CDH11: variants seen among roughly 807,000 people sequenced by gnomAD.
CDH11 encodes cadherin-11.
A neutral mutation model predicts 67.8 loss-of-function variants in CDH11; 11 were observed. The observed-to-expected ratio is 0.16, with a 90% CI of 0.10 to 0.27. The LOEUF (loss-of-function observed/expected upper bound fraction) is 0.27, where lower values mean the gene tolerates loss of function less well. Ranked by LOEUF, CDH11 falls within the 10% of genes least tolerant of loss-of-function variation. The probability of loss-of-function intolerance (pLI) is 1.00; values close to 1 mark genes in which losing one functional copy is unlikely to be tolerated. For synonymous variants in CDH11, 419 were observed against 400.0 expected, an observed-to-expected ratio of 1.05 and a Z score of -0.57; for missense variants, 847 against 1,031.2, an observed-to-expected ratio of 0.82 and a Z score of 2.45.
rs141180537 is a variant in CDH11, at chr16:64,978,083, G to A, written c.1253+3965C>T. On this transcript the variant is annotated intron_variant, in intron 8 of 12. Transcript: ENST00000268603. ...AAGTAAATTCATTAGTGCCTCCCTA[G>A]GTATATTGGGAACCCCCAGTGTGTG... Among the ~76,000 whole-genome samples, 342 of 152,140 alleles carry A rather than the reference G, an allele frequency of 2.2e-3. 3 individuals carry two copies. The highest frequency in any genetic ancestry group is 7.6e-3 in the African/African-American group (314 of 41,502).
chr16:65,093,035 C>T (rs959477174), intron 1 of CDH11, among the ~76,000 whole-genome samples: 2 of 149,808 alleles, frequency 1.3e-5, no homozygotes, highest in African/African-American at 4.9e-5. Flanking sequence ...CTCCCAAGTT[C>T]AAGCAATTCT....
chr16:65,036,448 A>G (rs2073756888), intron 2 of CDH11, among the ~76,000 whole-genome samples: 1 of 152,136 alleles, frequency 6.6e-6, no homozygotes, highest in African/African-American at 2.4e-5. Flanking sequence ...CAGAGACTGT[A>G]GTTTGCAAAT....
intron 7 of CDH11, chr16:64,984,808 T>A (rs1377074435): frequency 6.6e-6 from 1 of 152,214 alleles, no homozygotes; most frequent in African/African-American, 2.4e-5. Context: ...ATGTTTATGA[T>A]GTGACATTAA....
At chr16:65,119,806 T>A (rs935066120) in intron 1 of CDH11, among the ~76,000 whole-genome samples, 1 of 152,252 alleles carries the variant, frequency 6.6e-6, no homozygotes, top group African/African-American at 2.4e-5. Context: ...TTTACAATGT[T>A]TCAAAAGTAA....
At chr16:65,071,715 A>C (rs1038439782) in intron 1 of CDH11, among the ~76,000 whole-genome samples, 4 of 152,252 alleles carry the variant, frequency 2.6e-5, no homozygotes, top group African/African-American at 9.6e-5. Flanking sequence ...ATGCGGATCA[A>C]CAGTCCAGGC....
At chr16:64,989,085 G>A (rs1268919064) in intron 6 of CDH11, among the ~76,000 whole-genome samples, 2 of 152,046 alleles carry the variant, frequency 1.3e-5, no homozygotes, top group East Asian at 1.9e-4. Flanking sequence ...TAATGAGGCC[G>A]ACTAAAGAGA....
At chr16:65,091,623 C>T (rs1567573263) in intron 1 of CDH11, among the ~76,000 whole-genome samples, 2 of 149,694 alleles carry the variant, frequency 1.3e-5, no homozygotes, top group Admixed American at 6.7e-5. Flanking sequence ...GCAATCTTAG[C>T]TCACTGCAAG....
At chr16:65,010,017 A>C (rs1361039453) in intron 2 of CDH11, among the ~76,000 whole-genome samples, 1 of 152,146 alleles carries the variant, frequency 6.6e-6, no homozygotes, top group Non-Finnish European at 1.5e-5. Context: ...GGAAATTGTT[A>C]TTGGGTGGAG....
In CDH11 at chr16:64,947,147, A is replaced by G. The variant is rs914947782; in HGVS notation, c.*456T>C. 9 of 1,046,020 alleles carry G rather than the reference A, an allele frequency of 8.6e-6. No individual in the cohort carries two copies. The highest frequency in any genetic ancestry group is 1.0e-5 in the Non-Finnish European group (9 of 865,274). The allele number at this position is 1,046,020 out of a possible 1,614,324, so 64.8% of individuals were successfully genotyped here. Reference sequence around the variant, plus strand: ...TATGGGTTTAAGCTGGCTGAATATTATATATTTCAAGTTTAAAAATGCACT... The same window carrying G: ...TATGGGTTTAAGCTGGCTGAATATTGTATATTTCAAGTTTAAAAATGCACT... On this transcript the variant is annotated 3_prime_UTR_variant, in exon 13 of 13. Transcript: ENST00000268603.
intron 1 of CDH11, among the ~76,000 whole-genome samples, chr16:65,084,327 A>G (rs1042427259): frequency 6.6e-6 from 1 of 151,994 alleles, no homozygotes; most frequent in Non-Finnish European, 1.5e-5. Context: ...ATGGGGGTAC[A>G]TGCCTGTAGT....
At chr16:65,011,353 G>A (rs867957677) in intron 2 of CDH11, among the ~76,000 whole-genome samples, 1 of 151,880 alleles carries the variant, frequency 6.6e-6, no homozygotes, top group African/African-American at 2.4e-5. Context: ...CAACTCCAAG[G>A]ATCATCTCAG....
intron 11 of CDH11, among the ~76,000 whole-genome samples, chr16:64,967,986 T>G: frequency 6.6e-6 from 1 of 152,206 alleles, no homozygotes; most frequent in East Asian, 1.9e-4. Context: ...ATAAATTAAA[T>G]TTCAGAATTT....
intron 2 of CDH11, among the ~76,000 whole-genome samples, chr16:65,013,642 G>A (rs978545711): frequency 5.3e-5 from 8 of 152,142 alleles, no homozygotes; most frequent in African/African-American, 1.9e-4. Context: ...GGCCAACATG[G>A]TGAAACCCAG....
intron 2 of CDH11, among the ~76,000 whole-genome samples, chr16:65,051,603 G>C (rs1356142822): frequency 6.6e-6 from 1 of 152,140 alleles, no homozygotes; most frequent in African/African-American, 2.4e-5. Context: ...ATCTCAATTT[G>C]TAATTTCCAT....
chr16:64,952,055 T>C (rs2071377588), intron 11 of CDH11, among the ~76,000 whole-genome samples: 2 of 152,216 alleles, frequency 1.3e-5, no homozygotes, highest in Non-Finnish European at 2.9e-5. Flanking sequence ...CAGCCTGACA[T>C]CAAGAATTCA....
chr16:64,957,636 A>C (rs1229104238), intron 11 of CDH11, among the ~76,000 whole-genome samples: 1 of 134,080 alleles, frequency 7.5e-6, no homozygotes. Context: ...ACACACACCC[A>C]TCCATATATA....
rs970095184 is a variant in CDH11, at chr16:65,055,645, G to A, written c.-297-1717C>T. On this transcript the variant is annotated intron_variant, in intron 1 of 12. Transcript: ENST00000268603. The stretch of plus-strand genomic sequence containing the variant: ...TGTCTCAGAATGAATAGTATCCTGC[G>A]TTTCACCCATACTTATTTAGATGAG... 8.5e-5 allele frequency among the ~76,000 whole-genome samples: 13 copies of A among 152,076 alleles called. No homozygotes were observed. The South Asian group carries it at 1.0e-3, about 12-fold the overall frequency.
chr16:65,026,011 T>A (rs1350161820), intron 2 of CDH11, among the ~76,000 whole-genome samples: 1 of 151,978 alleles, frequency 6.6e-6, no homozygotes, highest in East Asian at 1.9e-4. Flanking sequence ...TGATATGGGG[T>A]GAAAATGGAG....
Position 64,945,301 on chromosome 16 carries a change from T to TAAAAAAAAAAAAAAAA in CDH11, c.*2286_*2301dup, listed in dbSNP as rs3046001. 8 of 371,886 alleles carry TAAAAAAAAAAAAAAAA rather than the reference T, an allele frequency of 2.2e-5. No homozygotes were observed. Among genetic ancestry groups the TAAAAAAAAAAAAAAAA allele is most frequent in the East Asian group, 2.0e-4 (2 of 10,050 alleles). The allele number at this position is 371,886 out of a possible 1,614,324, so 23.0% of individuals were successfully genotyped here. ...AGAGGCTTAACGAAAAAATAAAAGG[T>TAAAAAAAAAAAAAAAA]AAAAAAAAAAAAAAAAAAGAAAAAG... is the stretch of plus-strand genomic sequence containing the variant. On this transcript the variant is annotated 3_prime_UTR_variant, in exon 13 of 13. Transcript: ENST00000268603.
Sources: allele counts gnomAD v4.1 joint callset (sites outside exome capture counted in the v4.1 genomes callset), GRCh38; gene constraint gnomAD v4.1.1; transcripts MANE v1.5; gene names NCBI Gene and HGNC (gene_info 2026-07-23, HGNC 2026-07-21).